Variants in SLC24A2 observed in about 807,000 individuals in gnomAD.
SLC24A2 encodes sodium/potassium/calcium exchanger 2.
In SLC24A2, 36 loss-of-function variants were observed where a neutral mutation model predicts 62.0. The observed-to-expected ratio is 0.58, with a 90% CI of 0.44 to 0.77. The LOEUF (loss-of-function observed/expected upper bound fraction) is 0.77. SLC24A2 is among the 30% of genes least tolerant of loss of function. The pLI is 0.00. For synonymous variants in SLC24A2, 358 were observed against 294.0 expected, an observed-to-expected ratio of 1.22 and a Z score of -2.23; for missense variants, 846 against 817.9, an observed-to-expected ratio of 1.03 and a Z score of -0.42.
At chr9:19,999,602 G>A in the SLC24A2 span, among the ~76,000 whole-genome samples, 5 of 152,282 alleles carry the variant, frequency 3.3e-5, no homozygotes, top group East Asian at 9.6e-4. Flanking sequence ...TAAATCAACT[G>A]GTGGTTGTAC....
At chr9:20,050,407 C>G in the SLC24A2 span, among the ~76,000 whole-genome samples, 1 of 152,028 alleles carries the variant, frequency 6.6e-6, no homozygotes, top group Admixed American at 6.6e-5. Flanking sequence ...CAGAGGAAGA[C>G]TGTGCCTCAA....
chr9:19,543,525 G>A (rs1271645467), intron 8 of SLC24A2, among the ~76,000 whole-genome samples: 1 of 151,776 alleles, frequency 6.6e-6, no homozygotes, highest in African/African-American at 2.4e-5. Context: ...TTTGATGTTA[G>A]GGTGTCGATT....
At chr9:19,817,152 T>A in the SLC24A2 span, among the ~76,000 whole-genome samples, 1 of 152,084 alleles carries the variant, frequency 6.6e-6, no homozygotes, top group Non-Finnish European at 1.5e-5. Context: ...CTCGGTTTCA[T>A]ATATCAAAAT....
At position 19,516,005 on chromosome 9, in the gene SLC24A2, G is replaced by A; in HGVS notation, c.*148C>T. On this transcript the variant is annotated 3_prime_UTR_variant, in exon 11 of 11. Transcript: ENST00000341998. ...CCTGTGAAGTGAATGGGCCCAGTGTGAATCCATCTCTCCTCAAATTCACCA... is the reference window on the plus strand; with the variant it reads ...CCTGTGAAGTGAATGGGCCCAGTGTAAATCCATCTCTCCTCAAATTCACCA... 1 of 974,734 alleles carries A rather than the reference G, an allele frequency of 1.0e-6. No homozygotes were observed. The highest frequency in any genetic ancestry group is 1.6e-6 in the Non-Finnish European group (1 of 607,626). 60.4% of individuals were successfully genotyped at this position (974,734 alleles called of 1,614,324 possible).
At chr9:19,720,802 T>A (rs1173052947) in intron 2 of SLC24A2, among the ~76,000 whole-genome samples, 1 of 151,632 alleles carries the variant, frequency 6.6e-6, no homozygotes, top group East Asian at 1.9e-4. Flanking sequence ...ATTTTCTTTT[T>A]GTAGTTCTAA....
the SLC24A2 span, among the ~76,000 whole-genome samples, chr9:20,203,103 G>A: frequency 2.1e-5 from 3 of 139,646 alleles, 1 homozygote; most frequent in African/African-American, 8.5e-5. Flanking sequence ...ACTAAAGTTG[G>A]AGAACCACTG....
At chr9:19,695,702 A>C (rs1820171553) in intron 2 of SLC24A2, among the ~76,000 whole-genome samples, 1 of 144,894 alleles carries the variant, frequency 6.9e-6, no homozygotes, top group Non-Finnish European at 1.5e-5. Context: ...AAAAAAAAAA[A>C]ACCTAGAAAA....
chr9:20,107,854 T>C, the SLC24A2 span, among the ~76,000 whole-genome samples: 1 of 152,066 alleles, frequency 6.6e-6, no homozygotes, highest in Non-Finnish European at 1.5e-5. Context: ...TGGGATCTAA[T>C]TAACCTAAAG....
chr9:19,919,271 C>T, the SLC24A2 span, among the ~76,000 whole-genome samples: 2 of 152,146 alleles, frequency 1.3e-5, no homozygotes, highest in Admixed American at 6.5e-5. Context: ...ACAATCACCA[C>T]GAGTGATTCC....
chr9:19,994,071 G>A, the SLC24A2 span, among the ~76,000 whole-genome samples: 1 of 152,174 alleles, frequency 6.6e-6, no homozygotes, highest in Non-Finnish European at 1.5e-5. Context: ...AGGTGGCAGA[G>A]CTGGGATTAG....
chr9:20,174,209 T>A, the SLC24A2 span, among the ~76,000 whole-genome samples: 5 of 152,078 alleles, frequency 3.3e-5, no homozygotes, highest in African/African-American at 1.2e-4. Flanking sequence ...CAAGACGGAT[T>A]AAGGACTTAA....
At chr9:19,659,319 T>C (rs62563289) in intron 2 of SLC24A2, among the ~76,000 whole-genome samples, 21,619 of 152,166 alleles carry the variant, frequency 0.14, 1,814 homozygotes, top group African/African-American at 0.23. Flanking sequence ...AGCACCTTGA[T>C]TTCAGGCTTC....
intron 2 of SLC24A2, among the ~76,000 whole-genome samples, chr9:19,703,711 T>C (rs1820423843): frequency 6.6e-6 from 1 of 152,076 alleles, no homozygotes; most frequent in African/African-American, 2.4e-5. Flanking sequence ...TTGATCAGAA[T>C]AATCAAAAAT....
chr9:19,595,188 A>G (rs1311245711), intron 5 of SLC24A2, among the ~76,000 whole-genome samples: 1 of 152,230 alleles, frequency 6.6e-6, no homozygotes, highest in Non-Finnish European at 1.5e-5. Flanking sequence ...CAGCATAATG[A>G]AAACTCTGAG....
At chr9:19,923,454 C>A in the SLC24A2 span, among the ~76,000 whole-genome samples, 150 of 152,242 alleles carry the variant, frequency 9.9e-4, 6 homozygotes, top group South Asian at 0.03. Flanking sequence ...GCCACCCCTG[C>A]GCCCTGGGAC....
At chr9:19,829,217 C>T in the SLC24A2 span, among the ~76,000 whole-genome samples, 6 of 152,044 alleles carry the variant, frequency 3.9e-5, no homozygotes, top group Non-Finnish European at 8.8e-5. Flanking sequence ...CTACCTCTGC[C>T]CTCTCTTTCA....
chr9:19,667,664 T>C (rs1168620602), intron 2 of SLC24A2, among the ~76,000 whole-genome samples: 5 of 152,218 alleles, frequency 3.3e-5, no homozygotes, highest in East Asian at 1.9e-4. Flanking sequence ...CCAAGACCTA[T>C]AGACTGGAGG....
chr9:19,729,212 A>G (rs1821262829), intron 2 of SLC24A2, among the ~76,000 whole-genome samples: 1 of 152,226 alleles, frequency 6.6e-6, no homozygotes, highest in Non-Finnish European at 1.5e-5. Context: ...TAGGATGGCT[A>G]TTATCAAAAA....
chr9:19,832,696 C>T, the SLC24A2 span, among the ~76,000 whole-genome samples: 53 of 152,172 alleles, frequency 3.5e-4, no homozygotes, highest in Non-Finnish European at 1.2e-4. Flanking sequence ...GACTTCATGT[C>T]TAAAACACCA....
Sources: allele counts gnomAD v4.1 joint callset (sites outside exome capture counted in the v4.1 genomes callset), GRCh38; gene constraint gnomAD v4.1.1; transcripts MANE v1.5; gene names NCBI Gene and HGNC (gene_info 2026-07-23, HGNC 2026-07-21).